CGNL1: variants seen among roughly 807,000 people sequenced by gnomAD.
CGNL1 encodes cingulin-like protein 1.
CGNL1 carries 132 observed loss-of-function variants against 141.2 expected under a neutral mutation model. The ratio of observed to expected loss-of-function variants is 0.93; its 90% CI spans 0.81 to 1.08. CGNL1 has a LOEUF of 1.08. Among genes scored for constraint, CGNL1 ranks in the 50% least tolerant of loss-of-function variants. The pLI, the probability that CGNL1 is intolerant of heterozygous loss-of-function variation, is 0.00. For missense variants in CGNL1, 1,870 were observed against 1,588.6 expected (o/e 1.18, Z -3.01); for synonymous variants, 690 against 622.1 (o/e 1.11, Z -1.63).
intron 8 of CGNL1, among the ~76,000 whole-genome samples, chr15:57,513,405 T>A (rs1312579513): frequency 6.6e-6 from 1 of 152,192 alleles, no homozygotes; most frequent in East Asian, 1.9e-4. Context: ...TCTATGGATA[T>A]GCCACATTTT....
chr15:57,450,308 G>C (rs1447985005), intron 4 of CGNL1, among the ~76,000 whole-genome samples: 2 of 152,144 alleles, frequency 1.3e-5, no homozygotes, highest in African/African-American at 4.8e-5. Flanking sequence ...ATGGAGTCTT[G>C]CCCTGTCACC....
intron 1 of CGNL1, among the ~76,000 whole-genome samples, chr15:57,428,738 CTG>C (rs2152293164): frequency 6.6e-6 from 1 of 152,242 alleles, no homozygotes; most frequent in East Asian, 1.9e-4. Flanking sequence ...TAAAAACAGA[CTG>C]TGGGCCGGGC....
chr15:57,469,759 C>T (rs2063556521), intron 8 of CGNL1, among the ~76,000 whole-genome samples: 1 of 152,186 alleles, frequency 6.6e-6, no homozygotes, highest in Admixed American at 6.5e-5. Flanking sequence ...TGTATTTTAC[C>T]CAGCAATTTG....
At chr15:57,472,616 C>T (rs567071351) in intron 8 of CGNL1, among the ~76,000 whole-genome samples, 1 of 152,252 alleles carries the variant, frequency 6.6e-6, no homozygotes, top group Admixed American at 6.5e-5. Flanking sequence ...CAATTTCATT[C>T]TATTTTTAAA....
At position 57,442,182 on chromosome 15, in the gene CGNL1, G is replaced by GAAAAAAAAAAAAAAA. The variant is rs61564944; in HGVS notation, c.1698-184_1698-170dup. ...TTGAGTGGTAACACATCATTTATTT[G>GAAAAAAAAAAAAAAA]AAAAAAAAAAAAAAAAAAAAAGACA... On this transcript the variant is annotated intron_variant, in intron 3 of 18. Coordinates refer to ENST00000281282, the MANE Select transcript of CGNL1 (RefSeq NM_032866.5). 1.4e-3 allele frequency among the ~76,000 whole-genome samples: 132 copies of GAAAAAAAAAAAAAAA among 96,502 alleles called. 13 individuals are homozygous for GAAAAAAAAAAAAAAA. The highest frequency in any genetic ancestry group is 5.1e-3 in the African/African-American group (118 of 23,294). The allele number at this position is 96,502 out of a possible 152,430, so 63.3% of individuals were successfully genotyped here.
At chr15:57,507,788 A>C (rs756449395) in intron 8 of CGNL1, among the ~76,000 whole-genome samples, 1 of 152,170 alleles carries the variant, frequency 6.6e-6, no homozygotes, top group Non-Finnish European at 1.5e-5. Flanking sequence ...TAGGAGTAGA[A>C]CCTCTAGTCA....
At chr15:57,531,618 T>C in intron 13 of CGNL1, 72 bp from the exon 14 acceptor site, 1 of 945,834 alleles carries the variant, frequency 1.1e-6, no homozygotes, top group East Asian at 2.4e-5. Flanking sequence ...ATTGTTTCTC[T>C]GTGGGGGAGC....
intron 1 of CGNL1, among the ~76,000 whole-genome samples, chr15:57,402,406 C>A (rs2062670106): frequency 6.6e-6 from 1 of 152,162 alleles, no homozygotes; most frequent in Non-Finnish European, 1.5e-5. Flanking sequence ...GCCAAGTAAA[C>A]CTCTTTTCTT....
chr15:57,457,723 TACTC>T lies in CGNL1; in HGVS notation c.2190+3909_2190+3912del, dbSNP rs748489523. 6.6e-5 allele frequency among the ~76,000 whole-genome samples: 10 copies of T among 152,266 alleles called. No homozygotes were observed. The East Asian group carries it at 1.5e-3, about 24-fold the overall frequency. The stretch of plus-strand genomic sequence containing the variant: ...TAAAATCATCAGATCTCCTGAGACT[TACTC>T]ACTACCACAAGAACAGTATGGGGGA... On this transcript the variant is annotated intron_variant, in intron 7 of 18. Coordinates refer to ENST00000281282, the MANE Select transcript of CGNL1 (RefSeq NM_032866.5).
Position 57,438,592 on chromosome 15 carries a change from C to T in CGNL1, c.593C>T (p.Ser198Phe), listed in dbSNP as rs748440734. 6.2e-7 allele frequency: 1 copy of T among 1,613,752 alleles called. No individual in the cohort carries two copies. Among genetic ancestry groups the T allele is most frequent in the South Asian group, 1.1e-5 (1 of 91,080 alleles). Residue 198 changes from serine (S) to phenylalanine (F), a missense_variant, in exon 2 of 19, where the codon TCC becomes TTC. Physicochemically the swap from Ser to Phe is radical, Grantham distance 155. Transcript: ENST00000281282. ...PWTCFPKPSN[S>F]QPTSPSLEDP... is the part of the protein sequence containing the mutation. ...ACTTGCTTTCCCAAACCTAGCAATT[C>T]CCAGCCTACCAGTCCCTCCTTGGAA...
chr15:57,402,316 C>T (rs1171488023), intron 1 of CGNL1, among the ~76,000 whole-genome samples: 2 of 152,216 alleles, frequency 1.3e-5, no homozygotes, highest in Non-Finnish European at 2.9e-5. Context: ...TACCTTCTGC[C>T]ATGAGTAAAA....
intron 1 of CGNL1, among the ~76,000 whole-genome samples, chr15:57,403,996 G>A (rs2062687968): frequency 6.6e-6 from 1 of 152,230 alleles, no homozygotes; most frequent in Non-Finnish European, 1.5e-5. Flanking sequence ...TTGCTGCCCA[G>A]GGAGTACCTT....
chr15:57,483,127 T>C (rs1263074361), intron 8 of CGNL1, among the ~76,000 whole-genome samples: 2 of 152,216 alleles, frequency 1.3e-5, no homozygotes, highest in African/African-American at 4.8e-5. Context: ...TGTCTGTATC[T>C]ATACAAATTT....
chr15:57,438,540 G>A lies in CGNL1; in HGVS notation c.541G>A (p.Glu181Lys). Residue 181 changes from glutamate (E) to lysine (K), a missense_variant, in exon 2 of 19, where the codon GAA becomes AAA. By Grantham distance (56) the Glu-to-Lys change is moderately conservative. Coordinates refer to ENST00000281282, the MANE Select transcript of CGNL1 (RefSeq NM_032866.5). ...TAATTGGCTAAAAACGTTGACAGAAGAAGGCATCAACAATAAGAAGCCTTG... is the reference window on the plus strand; with the variant it reads ...TAATTGGCTAAAAACGTTGACAGAAAAAGGCATCAACAATAAGAAGCCTTG... ...ESNWLKTLTE[E>K]GINNKKPWTC... 1 of 1,613,920 alleles carries A rather than the reference G, an allele frequency of 6.2e-7. No homozygotes were observed. Among genetic ancestry groups the A allele is most frequent in the Admixed American group, 1.7e-5 (1 of 60,028 alleles).
chr15:57,526,628 A>T (rs1380610594), intron 12 of CGNL1, among the ~76,000 whole-genome samples: 1 of 151,896 alleles, frequency 6.6e-6, no homozygotes, highest in East Asian at 1.9e-4. Flanking sequence ...ACCATTGTTC[A>T]GTTTATTTTC....
chr15:57,382,159 TA>T (rs1245835056), intron 1 of CGNL1, among the ~76,000 whole-genome samples: 1 of 152,216 alleles, frequency 6.6e-6, no homozygotes, highest in Admixed American at 6.5e-5. Flanking sequence ...TGCTGCATAG[TA>T]ATTACCTCAA....
rs771764753 is a variant in CGNL1, at chr15:57,528,790, G to A, written c.3176G>A (p.Arg1059His). Residue 1059 changes from arginine to histidine, a missense_variant, in exon 13 of 19, where the codon CGC becomes CAC. Transcript: ENST00000281282. ...LEAKSHLKDDRSRLVKQMEDK... is the reference protein window; with the variant it reads ...LEAKSHLKDDHSRLVKQMEDK... The stretch of plus-strand genomic sequence containing the variant: ...GCCAAGAGTCACCTCAAAGATGACC[G>A]CAGCAGGCTGGTCAAGCAGATGGAG... 62 of 1,613,860 alleles carry A rather than the reference G, an allele frequency of 3.8e-5. No homozygotes were observed. The highest frequency in any genetic ancestry group is 4.6e-5 in the Non-Finnish European group (54 of 1,180,004).
chr15:57,449,396 A>G (rs1595715886), intron 4 of CGNL1, among the ~76,000 whole-genome samples: 1 of 152,200 alleles, frequency 6.6e-6, no homozygotes, highest in Non-Finnish European at 1.5e-5. Context: ...ACTTAAATTA[A>G]CAAACCTTAT....
chr15:57,394,978 G>A (rs2062586674), intron 1 of CGNL1, among the ~76,000 whole-genome samples: 1 of 152,168 alleles, frequency 6.6e-6, no homozygotes, highest in Non-Finnish European at 1.5e-5. Context: ...TGTGCATGGT[G>A]GCATACGCCT....
Sources: allele counts gnomAD v4.1 joint callset (sites outside exome capture counted in the v4.1 genomes callset), GRCh38; gene constraint gnomAD v4.1.1; transcripts MANE v1.5; gene names NCBI Gene and HGNC (gene_info 2026-07-23, HGNC 2026-07-21).